STX18: variants seen among roughly 807,000 people sequenced by gnomAD.
STX18 encodes syntaxin 18.
Under a neutral mutation model 50.1 loss-of-function variants are expected in STX18, and 40 were observed. The ratio of observed to expected loss-of-function variants is 0.80; its 90% CI spans 0.62 to 1.04. The LOEUF is 1.04. Among genes scored for constraint, STX18 ranks in the 50% least tolerant of loss-of-function variants. STX18 has a pLI of 0.00. For missense variants in STX18, 410 were observed against 415.8 expected (o/e 0.99, Z 0.12); for synonymous variants, 158 against 151.8 (o/e 1.04, Z -0.30).
intron 1 of STX18, among the ~76,000 whole-genome samples, chr4:4,513,081 G>A (rs182654117): frequency 1.7e-3 from 258 of 152,236 alleles, no homozygotes; most frequent in Non-Finnish European, 2.4e-3. Context: ...TTTAAAGAAG[G>A]AAGCAGTCTA....
Position 4,420,722 on chromosome 4 carries a change from TCC to T in STX18, c.912+140_912+141del. 1.4e-6 allele frequency: 1 copy of T among 737,670 alleles called. No individual in the cohort carries two copies. The highest frequency in any genetic ancestry group is 2.3e-6 in the Non-Finnish European group (1 of 431,300). 45.7% of individuals were successfully genotyped at this position (737,670 alleles called of 1,614,324 possible). A position where few individuals can be genotyped will look rare whatever the true frequency, so the allele number is the denominator to read the frequency against. On this transcript the variant is annotated intron_variant, in intron 10 of 10. Coordinates refer to ENST00000306200, the MANE Select transcript of STX18 (RefSeq NM_016930.4). This position sits in a 1 kb window ranked among gnomAD's most constrained non-coding sequence, Gnocchi z 4.3. ...GGTGGGTCTCATGAACACACGCAGCTCCGCGGTCACACAATTTTGTGATCAGC... is the reference window on the plus strand; with the variant it reads ...GGTGGGTCTCATGAACACACGCAGCTGCGGTCACACAATTTTGTGATCAGC...
intron 1 of STX18, among the ~76,000 whole-genome samples, chr4:4,518,634 C>G (rs897547359): frequency 1.3e-5 from 2 of 152,128 alleles, no homozygotes; most frequent in Non-Finnish European, 2.9e-5. Flanking sequence ...AAAAGATATA[C>G]AAGCTATAAA....
chr4:4,503,973 T>C (rs537546441), intron 1 of STX18, among the ~76,000 whole-genome samples: 17 of 152,226 alleles, frequency 1.1e-4, no homozygotes, highest in African/African-American at 3.4e-4. Context: ...TAGATACATA[T>C]GAGCGGTTAC....
intron 1 of STX18, among the ~76,000 whole-genome samples, chr4:4,505,165 T>TAA (rs1729642864): frequency 1.3e-5 from 2 of 152,190 alleles, no homozygotes; most frequent in African/African-American, 2.4e-5. Context: ...ATACAGCAGT[T>TAA]CCTTCACTTA....
rs10021287 is a variant in STX18, at chr4:4,493,653, A to G, written c.169-21947T>C. 4.7e-3 allele frequency among the ~76,000 whole-genome samples: 712 copies of G among 152,362 alleles called. 6 individuals are homozygous for G. Among genetic ancestry groups the G allele is most frequent in the Non-Finnish European group, 7.8e-3 (533 of 68,036 alleles). On this transcript the variant is annotated intron_variant, in intron 1 of 10. Coordinates refer to ENST00000306200, the MANE Select transcript of STX18 (RefSeq NM_016930.4). Reference sequence around the variant, plus strand: ...TGAATTTTCACTTTTAATTCAAATTATAATAATCAATGATACTAGAAGTCT... The same window carrying G: ...TGAATTTTCACTTTTAATTCAAATTGTAATAATCAATGATACTAGAAGTCT...
At chr4:4,505,435 G>A (rs1353925406) in intron 1 of STX18, among the ~76,000 whole-genome samples, 1 of 152,148 alleles carries the variant, frequency 6.6e-6, no homozygotes, top group Non-Finnish European at 1.5e-5. Flanking sequence ...AGCATCAAGA[G>A]GGAGTGTCAT....
chr4:4,445,323 T>C (rs1726333680), intron 5 of STX18, among the ~76,000 whole-genome samples: 1 of 152,022 alleles, frequency 6.6e-6, no homozygotes, highest in Non-Finnish European at 1.5e-5. Context: ...GGAGAATTGC[T>C]TGAACTCGGG....
chr4:4,489,214 C>T (rs947780267), intron 1 of STX18, among the ~76,000 whole-genome samples: 2 of 151,906 alleles, frequency 1.3e-5, no homozygotes, highest in African/African-American at 4.8e-5. Context: ...TGGCCTTGAC[C>T]AATAATACAA....
intron 1 of STX18, among the ~76,000 whole-genome samples, chr4:4,533,627 T>C (rs1301271012): frequency 6.6e-6 from 1 of 152,250 alleles, no homozygotes; most frequent in Non-Finnish European, 1.5e-5. Context: ...TGAGCTTGGC[T>C]GATATCTGCC....
intron 2 of STX18, among the ~76,000 whole-genome samples, chr4:4,470,555 A>C (rs1266846953): frequency 6.6e-6 from 1 of 152,238 alleles, no homozygotes; most frequent in African/African-American, 2.4e-5. Flanking sequence ...AATAAACTGT[A>C]ATTATTAAAT....
At position 4,507,229 on chromosome 4, in the gene STX18, A is replaced by G. The variant is rs962252320; in HGVS notation, c.168+34568T>C. 3 of 638,874 alleles carry G rather than the reference A, an allele frequency of 4.7e-6. No homozygotes were observed. In the African/African-American group the frequency reaches 5.4e-5, roughly 12 times the overall value. 39.6% of individuals were successfully genotyped at this position (638,874 alleles called of 1,614,324 possible). ...AGTCAGCCATGCAATTATGAGGGTA[A>G]ACAACCCATACTTTACAGTGTACTA... On this transcript the variant is annotated intron_variant, in intron 1 of 10. Transcript: ENST00000306200.
At chr4:4,466,917 G>A (rs1372293815) in intron 2 of STX18, among the ~76,000 whole-genome samples, 3 of 152,128 alleles carry the variant, frequency 2.0e-5, no homozygotes, top group Non-Finnish European at 4.4e-5. Flanking sequence ...TTGGTGGGCA[G>A]GGGGCTAGGG....
Position 4,542,012 on chromosome 4 carries a change from C to T in STX18, c.-48G>A. 3 of 1,500,308 alleles carry T rather than the reference C, an allele frequency of 2.0e-6. No individual in the cohort carries two copies. Among genetic ancestry groups the T allele is most frequent in the East Asian group, 2.7e-5 (1 of 37,722 alleles). 92.9% of individuals were successfully genotyped at this position (1,500,308 alleles called of 1,614,324 possible). A position where few individuals can be genotyped will look rare whatever the true frequency, so the allele number is the denominator to read the frequency against. ...ACACTAGGCCCGCCCACGTAAGCAGCCGGCGACCGCGGCGCGAACCCGGCC... is the reference window on the plus strand; with the variant it reads ...ACACTAGGCCCGCCCACGTAAGCAGTCGGCGACCGCGGCGCGAACCCGGCC... On this transcript the variant is annotated 5_prime_UTR_variant, in exon 1 of 11. Coordinates refer to ENST00000306200, the MANE Select transcript of STX18 (RefSeq NM_016930.4).
rs116987184 is a variant in STX18, at chr4:4,468,119, T to C, written c.236+3520A>G. On this transcript the variant is annotated intron_variant, in intron 2 of 10. Coordinates refer to ENST00000306200, the MANE Select transcript of STX18 (RefSeq NM_016930.4). ...CTAGCCTGAAAGTGCACTTTAAAAC[T>C]TTTTATTCCTTTTTCTCTTTTCTCC... 2.0e-4 allele frequency among the ~76,000 whole-genome samples: 30 copies of C among 152,364 alleles called. 1 individual carries two copies. The East Asian group carries it at 5.8e-3, about 29-fold the overall frequency.
intron 1 of STX18, among the ~76,000 whole-genome samples, chr4:4,513,945 C>T (rs1029071415): frequency 1.2e-4 from 18 of 152,148 alleles, no homozygotes; most frequent in Non-Finnish European, 7.3e-5. Context: ...ACACTGACGT[C>T]CTTAGCGGGG....
Position 4,423,562 on chromosome 4 carries a change from T to C in STX18, c.787A>G (p.Ile263Val). The C allele has an allele frequency of 6.2e-7, 1 of 1,614,212 alleles. No individual in the cohort carries two copies. The highest frequency in any genetic ancestry group is 8.5e-7 in the Non-Finnish European group (1 of 1,180,024). The change falls in exon 9 of 11, where the codon ATT becomes GTT. Residue 263 changes from isoleucine (I) to valine (V), a missense_variant. Ile to Val is a conservative substitution (Grantham distance 29). Coordinates refer to ENST00000306200, the MANE Select transcript of STX18 (RefSeq NM_016930.4). ...GTGAATATCTCTTGGAGTCTGGAAATCTCAACCACTCTCCCTTCGATTTGC... is the reference window on the plus strand; with the variant it reads ...GTGAATATCTCTTGGAGTCTGGAAACCTCAACCACTCTCCCTTCGATTTGC... ...VRQIEGRVVE[I>V]SRLQEIFTEK...
At chr4:4,533,044 CAT>C (rs1228885015) in intron 1 of STX18, among the ~76,000 whole-genome samples, 1 of 152,138 alleles carries the variant, frequency 6.6e-6, no homozygotes, top group Admixed American at 6.5e-5. Context: ...CTTTAGTATT[CAT>C]AGTCTTTGAG....
chr4:4,505,664 C>T (rs967784948), intron 1 of STX18, among the ~76,000 whole-genome samples: 3 of 151,926 alleles, frequency 2.0e-5, no homozygotes, highest in Non-Finnish European at 1.5e-5. Flanking sequence ...TGGTGCACAT[C>T]TGTAATCCCA....
intron 1 of STX18, among the ~76,000 whole-genome samples, chr4:4,510,038 T>G (rs1729926149): frequency 6.6e-6 from 1 of 152,012 alleles, no homozygotes; most frequent in South Asian, 2.1e-4. Context: ...TTCAAAGAGG[T>G]CTGACCTGGA....
Sources: allele counts gnomAD v4.1 joint callset (sites outside exome capture counted in the v4.1 genomes callset), GRCh38; gene constraint gnomAD v4.1.1; non-coding constraint Gnocchi (gnomAD v3.1); transcripts MANE v1.5; gene names NCBI Gene and HGNC (gene_info 2026-07-23, HGNC 2026-07-21).